NSUN6: variants seen among roughly 807,000 people sequenced by gnomAD.
The protein encoded by NSUN6 is NOP2/Sun RNA methyltransferase 6, also known as tRNA (cytosine(72)-C(5))-methyltransferase NSUN6.
A neutral mutation model predicts 58.0 loss-of-function variants in NSUN6; 64 were observed. The ratio of observed to expected loss-of-function variants is 1.10; its 90% CI spans 0.90 to 1.36. NSUN6 has a LOEUF of 1.36. NSUN6 is among the 40% of genes most tolerant of loss of function. The pLI, the probability that NSUN6 is intolerant of heterozygous loss-of-function variation, is 0.00. For synonymous variants in NSUN6, 231 were observed against 193.9 expected (o/e 1.19, Z -1.59); for missense variants, 701 against 550.1 (o/e 1.27, Z -2.74).
chr10:18,616,517 A>G (rs2058416847), intron 3 of NSUN6, among the ~76,000 whole-genome samples: 1 of 152,206 alleles, frequency 6.6e-6, no homozygotes, highest in Non-Finnish European at 1.5e-5. Context: ...CATCTGCTGG[A>G]AGGCAATAAA....
At chr10:18,618,533 T>C (rs993809123) in intron 3 of NSUN6, among the ~76,000 whole-genome samples, 4 of 151,734 alleles carry the variant, frequency 2.6e-5, no homozygotes, top group African/African-American at 9.7e-5. Flanking sequence ...AAATACAAAA[T>C]TACCCAGGCA....
rs1359395832 is a variant in NSUN6, at chr10:18,609,936, A to C, written c.576-10T>G. ...TCTTATGCCCATGCCTCTGAAAAAT[A>C]GGAAATCTAACATTAGTCTGTATAA... On this transcript the variant is annotated splice_polypyrimidine_tract_variant and intron_variant, in intron 5 of 10. Transcript: ENST00000377304. 1.3e-6 allele frequency: 2 copies of C among 1,526,988 alleles called. No homozygotes were observed. The highest frequency in any genetic ancestry group is 2.2e-5 in the East Asian group (1 of 44,460). 94.6% of individuals were successfully genotyped at this position (1,526,988 alleles called of 1,614,324 possible).
Position 18,591,766 on chromosome 10 carries a change from G to A in NSUN6, c.777+4442C>T, listed in dbSNP as rs550328652. ...ACAAACCCGTAGCCAACATCATACCGAATGGGCAAAAGCTGGAAGCATTCC... is the reference window on the plus strand; with the variant it reads ...ACAAACCCGTAGCCAACATCATACCAAATGGGCAAAAGCTGGAAGCATTCC... On this transcript the variant is annotated intron_variant, in intron 7 of 10. Transcript: ENST00000377304. Among the ~76,000 whole-genome samples the A allele has an allele frequency of 3.0e-4, 45 of 152,236 alleles. 1 individual carries two copies. In the East Asian group the frequency reaches 5.2e-3, roughly 18 times the overall value.
intron 3 of NSUN6, among the ~76,000 whole-genome samples, chr10:18,633,804 T>C (rs1178590671): frequency 6.6e-6 from 1 of 152,126 alleles, no homozygotes; most frequent in African/African-American, 2.4e-5. Context: ...AGAAAAGAAA[T>C]ACCAACCAAC....
At chr10:18,583,380 C>T (rs958429449) in intron 8 of NSUN6, among the ~76,000 whole-genome samples, 6 of 152,182 alleles carry the variant, frequency 3.9e-5, no homozygotes, top group African/African-American at 9.7e-5. Context: ...GTTGCTCACA[C>T]AAAGCCTGCT....
upstream of NSUN6, chr10:18,652,975 T>C (rs1405975457): frequency 2.0e-6 from 2 of 984,582 alleles, no homozygotes; most frequent in African/African-American, 1.7e-5. Context: ...AGCCAATACC[T>C]TGTCCTTGAC....
chr10:18,586,212 T>A lies in NSUN6; in HGVS notation c.778-119A>T, dbSNP rs1467827330. On this transcript the variant is annotated intron_variant, in intron 7 of 10. Transcript: ENST00000377304. The stretch of plus-strand genomic sequence containing the variant: ...TATGGTCTTTTCCACCATACTCCCA[T>A]CCCTAATTTAAAACCTCTATCCATT... 9.3e-6 allele frequency: 7 copies of A among 752,612 alleles called. No homozygotes were observed. The South Asian group carries it at 1.5e-4, about 16-fold the overall frequency. 46.6% of individuals were successfully genotyped at this position (752,612 alleles called of 1,614,324 possible). A position where few individuals can be genotyped will look rare whatever the true frequency, so the allele number is the denominator to read the frequency against.
intron 3 of NSUN6, among the ~76,000 whole-genome samples, chr10:18,630,751 T>C (rs1241489392): frequency 1.3e-5 from 2 of 152,110 alleles, no homozygotes; most frequent in Admixed American, 6.6e-5. Context: ...GCTGAAATTG[T>C]GGCAATAATC....
chr10:18,594,595 C>T (rs1476009392), intron 7 of NSUN6, among the ~76,000 whole-genome samples: 2 of 152,140 alleles, frequency 1.3e-5, no homozygotes, highest in Non-Finnish European at 2.9e-5. Context: ...ACTACAGGCA[C>T]ACGCCACCAT....
intron 8 of NSUN6, among the ~76,000 whole-genome samples, chr10:18,573,524 A>G (rs758679643): frequency 2.4e-4 from 36 of 150,980 alleles, no homozygotes; most frequent in South Asian, 4.2e-4. Flanking sequence ...TCCGTTCTCC[A>G]TTCTCCATTC....
At chr10:18,628,974 G>T (rs1388235494) in intron 3 of NSUN6, among the ~76,000 whole-genome samples, 2 of 152,124 alleles carry the variant, frequency 1.3e-5, no homozygotes, top group Non-Finnish European at 2.9e-5. Flanking sequence ...AAGTTGAAAT[G>T]AAGGAAAAAA....
chr10:18,581,699 G>A (rs1027987593), intron 8 of NSUN6, among the ~76,000 whole-genome samples: 4 of 151,926 alleles, frequency 2.6e-5, no homozygotes, highest in Non-Finnish European at 4.4e-5. Context: ...GGTGGCATGC[G>A]CCTGTAGTCC....
At chr10:18,645,390 A>G (rs1176455819) in intron 2 of NSUN6, among the ~76,000 whole-genome samples, 2 of 152,214 alleles carry the variant, frequency 1.3e-5, no homozygotes, top group East Asian at 1.9e-4. Context: ...TATGAAACAT[A>G]AAAGAATTTC....
At chr10:18,582,138 CA>C (rs1400913777) in intron 8 of NSUN6, among the ~76,000 whole-genome samples, 3 of 152,162 alleles carry the variant, frequency 2.0e-5, no homozygotes, top group Non-Finnish European at 4.4e-5. Flanking sequence ...CCCACTCAGC[CA>C]ACTCCTGAGA....
intron 3 of NSUN6, among the ~76,000 whole-genome samples, chr10:18,640,712 A>C (rs2059365744): frequency 6.6e-6 from 1 of 152,190 alleles, no homozygotes; most frequent in East Asian, 1.9e-4. Flanking sequence ...AAAACCCAAC[A>C]AACTAAACAT....
intron 3 of NSUN6, among the ~76,000 whole-genome samples, chr10:18,637,001 C>A (rs1456692439): frequency 7.1e-6 from 1 of 140,054 alleles, no homozygotes; most frequent in African/African-American, 2.7e-5. Flanking sequence ...TCAGTCTTAT[C>A]GTCCGGGCTC....
intron 10 of NSUN6, among the ~76,000 whole-genome samples, chr10:18,547,542 T>A (rs892105075): frequency 6.6e-6 from 1 of 152,166 alleles, no homozygotes; most frequent in African/African-American, 2.4e-5. Flanking sequence ...ATCTCAAATA[T>A]CCTGGACTAA....
At chr10:18,598,762 GGCA>G (rs1181049667) in intron 6 of NSUN6, among the ~76,000 whole-genome samples, 1 of 152,164 alleles carries the variant, frequency 6.6e-6, no homozygotes, top group East Asian at 1.9e-4. Context: ...CAGTATACCT[GGCA>G]GCAAGTTTTA....
intron 8 of NSUN6, among the ~76,000 whole-genome samples, chr10:18,574,995 C>G: frequency 6.6e-6 from 1 of 152,272 alleles, no homozygotes; most frequent in African/African-American, 2.4e-5. Flanking sequence ...CTCCCTCCTC[C>G]TACTGTAATC....
Sources: allele counts gnomAD v4.1 joint callset (sites outside exome capture counted in the v4.1 genomes callset), GRCh38; gene constraint gnomAD v4.1.1; transcripts MANE v1.5; gene names NCBI Gene and HGNC (gene_info 2026-07-23, HGNC 2026-07-21).